Variants in DIAPH2 observed in about 807,000 individuals in gnomAD.
The protein encoded by DIAPH2 is protein diaphanous homolog 2.
A neutral mutation model predicts 92.7 loss-of-function variants in DIAPH2; 35 were observed. The observed-to-expected ratio is 0.38, with a 90% CI of 0.29 to 0.50. DIAPH2 has a LOEUF of 0.50. Ranked by LOEUF, DIAPH2 falls within the 20% of genes least tolerant of loss-of-function variation. The pLI is 0.94. For synonymous variants in DIAPH2, 301 were observed against 280.4 expected, an observed-to-expected ratio of 1.07 and a Z score of -0.73; for missense variants, 701 against 819.5, an observed-to-expected ratio of 0.86 and a Z score of 1.77.
intron 4 of DIAPH2, among the ~76,000 whole-genome samples, chrX:96,847,049 C>G (rs924510661): frequency 2.7e-5 from 3 of 111,369 alleles, no homozygotes; most frequent in African/African-American, 9.8e-5. Flanking sequence ...TACTACCACT[C>G]CTTTGTCCCC....
At position 96,990,151 on chromosome X, in the gene DIAPH2, C is replaced by G. The variant is rs747115478; in HGVS notation, c.2050+24944C>G. ...AGCAAAGGGAAAATGTCAACCTCAC[C>G]CTAGAGAAAGTAGAGAGCTAAGCAG... On this transcript the variant is annotated intron_variant, in intron 17 of 26. Transcript: ENST00000324765. Among the ~76,000 whole-genome samples the G allele has an allele frequency of 5.4e-5, 6 of 112,048 alleles. No individual in the cohort carries two copies. In the Admixed American group the frequency reaches 5.7e-4, roughly 11 times the overall value.
intron 22 of DIAPH2, among the ~76,000 whole-genome samples, chrX:97,147,732 A>G (rs966284581): frequency 3.6e-5 from 4 of 111,939 alleles, no homozygotes; most frequent in Admixed American, 9.5e-5. Context: ...AAGCTAGTTA[A>G]GTTTCTTCTG....
At chrX:97,559,075 G>C (rs2071275873) in intron 26 of DIAPH2, among the ~76,000 whole-genome samples, 1 of 112,223 alleles carries the variant, frequency 8.9e-6, no homozygotes, top group East Asian at 2.8e-4. Flanking sequence ...AGGAGCATCT[G>C]TATTTATTAC....
chrX:96,968,940 T>C (rs1175380461), intron 17 of DIAPH2, among the ~76,000 whole-genome samples: 1 of 112,749 alleles, frequency 8.9e-6, no homozygotes, highest in East Asian at 2.8e-4. Flanking sequence ...CTTCTGCATA[T>C]GGCTAGCCAG....
At chrX:97,502,832 G>A (rs2070807912) in intron 26 of DIAPH2, among the ~76,000 whole-genome samples, 1 of 112,392 alleles carries the variant, frequency 8.9e-6, no homozygotes, top group African/African-American at 3.2e-5. Flanking sequence ...TCAAGTAGGC[G>A]CTGAAATTCT....
At chrX:97,438,121 TAA>T (rs762607670) in intron 26 of DIAPH2, among the ~76,000 whole-genome samples, 9 of 83,868 alleles carry the variant, frequency 1.1e-4, no homozygotes, top group Non-Finnish European at 1.4e-4. Flanking sequence ...ACCCTCTCTT[TAA>T]AAAAAAAAAA....
chrX:96,737,301 T>C (rs978522693), intron 2 of DIAPH2, among the ~76,000 whole-genome samples: 1 of 112,433 alleles, frequency 8.9e-6, no homozygotes, highest in Non-Finnish European at 1.9e-5. Flanking sequence ...TCATATTTCT[T>C]TCAAAGTATA....
intron 19 of DIAPH2, among the ~76,000 whole-genome samples, chrX:97,092,549 C>G (rs141650171): frequency 0.01 from 1,170 of 112,408 alleles, 20 homozygotes; most frequent in African/African-American, 0.036. Flanking sequence ...TTTCTTTAGT[C>G]TAATGGATAA....
intron 26 of DIAPH2, among the ~76,000 whole-genome samples, chrX:97,449,462 T>A (rs1384017103): frequency 8.9e-6 from 1 of 112,233 alleles, no homozygotes; most frequent in African/African-American, 3.2e-5. Context: ...GTTTTATGAT[T>A]TTTGTATTAA....
In DIAPH2 at chrX:97,114,767, C is replaced by T. The variant is rs1485550700; in HGVS notation, c.2391C>T (p.Ile797=). 1 of 1,208,209 alleles carries T rather than the reference C, an allele frequency of 8.3e-7. No homozygotes were observed. Among genetic ancestry groups the T allele is most frequent in the Non-Finnish European group, 1.1e-6 (1 of 894,022 alleles). ...TGTTACAGCCTCGTCTCAGTAGTAT[C>T]CTGTTCAAGCTCACATTTGAAGAAC... ...VKMLQPRLSS[I]LFKLTFEEHI... The change falls in exon 21 of 27, where the codon ATC becomes ATT. Residue 797 remains isoleucine, a synonymous_variant. Transcript: ENST00000324765.
intron 22 of DIAPH2, among the ~76,000 whole-genome samples, chrX:97,208,338 C>A (rs2067814188): frequency 8.9e-6 from 1 of 111,762 alleles, no homozygotes; most frequent in Admixed American, 9.5e-5. Context: ...GAATAGAAAC[C>A]CATTTATCCT....
intron 26 of DIAPH2, among the ~76,000 whole-genome samples, chrX:97,476,964 A>ATAT (rs1348112990): frequency 3.1e-4 from 16 of 51,212 alleles, no homozygotes; most frequent in Non-Finnish European, 5.8e-4. Context: ...AAAAAAAAAA[A>ATAT]AAAAATATAT....
chrX:97,241,531 C>G (rs947946879), intron 22 of DIAPH2, among the ~76,000 whole-genome samples: 6 of 110,645 alleles, frequency 5.4e-5, no homozygotes, highest in African/African-American at 2.0e-4. Flanking sequence ...ATCTCCTGAC[C>G]TCGTGATCCG....
intron 4 of DIAPH2, among the ~76,000 whole-genome samples, chrX:96,869,389 C>A (rs918125744): frequency 3.6e-5 from 4 of 110,519 alleles, no homozygotes; most frequent in African/African-American, 1.3e-4. Context: ...TGGTGAAACC[C>A]CGACTCTACT....
chrX:96,698,731 T>G (rs2063838472), intron 1 of DIAPH2, among the ~76,000 whole-genome samples: 1 of 107,751 alleles, frequency 9.3e-6, no homozygotes, highest in East Asian at 2.9e-4. Flanking sequence ...TAAACTTTTT[T>G]TTTTTTTTTT....
intron 26 of DIAPH2, among the ~76,000 whole-genome samples, chrX:97,434,210 G>A (rs758907785): frequency 9.0e-6 from 1 of 111,162 alleles, no homozygotes; most frequent in South Asian, 3.8e-4. Flanking sequence ...CTAAGCAATG[G>A]GGATTTATTG....
intron 26 of DIAPH2, among the ~76,000 whole-genome samples, chrX:97,529,556 C>T (rs924749887): frequency 3.6e-4 from 40 of 111,423 alleles, no homozygotes; most frequent in Non-Finnish European, 6.2e-4. Flanking sequence ...GATAAGGGGA[C>T]GGTACAGATA....
intron 21 of DIAPH2, among the ~76,000 whole-genome samples, chrX:97,134,933 C>A (rs2067160236): frequency 9.0e-6 from 1 of 110,927 alleles, no homozygotes; most frequent in African/African-American, 3.3e-5. Context: ...ATTTTGAATC[C>A]TTTGCACTGT....
chrX:96,889,151 G>C (rs1395884156), intron 5 of DIAPH2, among the ~76,000 whole-genome samples: 1 of 111,880 alleles, frequency 8.9e-6, no homozygotes, highest in Non-Finnish European at 1.9e-5. Flanking sequence ...TGCTGTGGTA[G>C]AGAACTTAGT....
Sources: allele counts gnomAD v4.1 joint callset (sites outside exome capture counted in the v4.1 genomes callset), GRCh38; gene constraint gnomAD v4.1.1; transcripts MANE v1.5; gene names NCBI Gene and HGNC (gene_info 2026-07-23, HGNC 2026-07-21).